CHIC2: variants seen among roughly 807,000 people sequenced by gnomAD.
CHIC2 encodes cysteine-rich hydrophobic domain-containing protein 2.
In CHIC2, 14 loss-of-function variants were observed where a neutral mutation model predicts 25.9. That is an observed-to-expected ratio of 0.54 (90% CI 0.36 to 0.85). The LOEUF (loss-of-function observed/expected upper bound fraction) is 0.85, where lower values mean the gene tolerates loss of function less well. Ranked by LOEUF, CHIC2 falls within the 40% of genes least tolerant of loss-of-function variation. CHIC2 has a pLI of 0.01. For synonymous variants in CHIC2, 70 were observed against 72.0 expected (o/e 0.97, Z 0.14); for missense variants, 146 against 202.0 (o/e 0.72, Z 1.68).
chr4:54,059,744 T>C (rs185925676), intron 1 of CHIC2: 31 of 152,286 alleles, frequency 2.0e-4, no homozygotes, highest in African/African-American at 7.5e-4. Context: ...AGTGATTCAT[T>C]TGGCAATTCT....
chr4:54,081,603 A>T, the CHIC2 span, among the ~76,000 whole-genome samples: 2 of 152,190 alleles, frequency 1.3e-5, no homozygotes, highest in Non-Finnish European at 2.9e-5. Context: ...TGCCCAAATG[A>T]GTATAAATTT....
intron 3 of CHIC2, among the ~76,000 whole-genome samples, chr4:54,043,125 T>C (rs1716638347): frequency 6.6e-6 from 1 of 151,952 alleles, no homozygotes; most frequent in South Asian, 2.1e-4. Context: ...ACCCTGGGCA[T>C]AGAAACCCTG....
At chr4:54,068,203 A>G (rs568600838), upstream of CHIC2, among the ~76,000 whole-genome samples, 1 of 152,330 alleles carries the variant, frequency 6.6e-6, no homozygotes, top group Non-Finnish European at 1.5e-5. Context: ...CACCCAGGCT[A>G]CGATGTACTG....
intron 3 of CHIC2, among the ~76,000 whole-genome samples, chr4:54,045,230 A>G (rs1467358363): frequency 6.6e-6 from 1 of 152,186 alleles, no homozygotes; most frequent in African/African-American, 2.4e-5. Context: ...ACAAGGAGGA[A>G]CTGGTACCAT....
the CHIC2 span, among the ~76,000 whole-genome samples, chr4:54,069,978 T>C: frequency 6.6e-6 from 1 of 152,184 alleles, no homozygotes; most frequent in Non-Finnish European, 1.5e-5. Flanking sequence ...ACTATTAGAA[T>C]TGTGATCAGT....
At chr4:54,084,417 A>G in the CHIC2 span, among the ~76,000 whole-genome samples, 1 of 152,168 alleles carries the variant, frequency 6.6e-6, no homozygotes, top group Admixed American at 6.5e-5. Flanking sequence ...TCTTTGGCCA[A>G]TTTAAATGGA....
intron 3 of CHIC2, among the ~76,000 whole-genome samples, chr4:54,044,323 T>G (rs915803229): frequency 1.3e-5 from 2 of 152,146 alleles, no homozygotes; most frequent in Non-Finnish European, 2.9e-5. Context: ...TACAGAACTC[T>G]CCACCCCAAA....
At chr4:54,035,765 T>G (rs1463390989) in intron 3 of CHIC2, among the ~76,000 whole-genome samples, 1 of 152,048 alleles carries the variant, frequency 6.6e-6, no homozygotes, top group East Asian at 1.9e-4. Flanking sequence ...TAATTTGCTC[T>G]TGTTTTTCTA....
At chr4:54,081,470 T>G in the CHIC2 span, among the ~76,000 whole-genome samples, 1 of 152,078 alleles carries the variant, frequency 6.6e-6, no homozygotes, top group Non-Finnish European at 1.5e-5. Context: ...CTAAGATACT[T>G]CAATTTGATG....
the CHIC2 span, among the ~76,000 whole-genome samples, chr4:54,071,868 C>A: frequency 6.6e-6 from 1 of 152,052 alleles, no homozygotes; most frequent in African/African-American, 2.4e-5. Context: ...CAGATCATTT[C>A]ATACCATGTG....
At chr4:54,080,164 A>ATATATATATGTGTATATATATGTG in the CHIC2 span, among the ~76,000 whole-genome samples, 16 of 148,214 alleles carry the variant, frequency 1.1e-4, no homozygotes, top group African/African-American at 4.0e-4. Context: ...ATGTATGTGT[A>ATATATATATGTGTATATATATGTG]TATATATATG....
intron 3 of CHIC2, among the ~76,000 whole-genome samples, chr4:54,017,854 T>A (rs1200881787): frequency 6.6e-6 from 1 of 152,066 alleles, no homozygotes; most frequent in Non-Finnish European, 1.5e-5. Context: ...AAACACACAT[T>A]TCTTCATTTC....
intron 3 of CHIC2, among the ~76,000 whole-genome samples, chr4:54,020,873 T>C (rs1029488304): frequency 6.6e-6 from 1 of 152,176 alleles, no homozygotes; most frequent in African/African-American, 2.4e-5. Flanking sequence ...CACAATTCAC[T>C]GGTGTCTGAT....
intron 1 of CHIC2, among the ~76,000 whole-genome samples, chr4:54,056,885 T>A (rs184457963): frequency 6.6e-6 from 1 of 152,118 alleles, no homozygotes; most frequent in Non-Finnish European, 1.5e-5. Context: ...CTAAAGGATA[T>A]CACATTTACG....
chr4:54,063,937 T>G (rs1717413545), intron 1 of CHIC2, among the ~76,000 whole-genome samples: 1 of 152,206 alleles, frequency 6.6e-6, no homozygotes, highest in Non-Finnish European at 1.5e-5. Context: ...CCGTGCCTAC[T>G]GGGATCGTCA....
intron 3 of CHIC2, among the ~76,000 whole-genome samples, chr4:54,015,325 A>G (rs995433390): frequency 4.6e-5 from 7 of 152,078 alleles, no homozygotes; most frequent in Non-Finnish European, 7.4e-5. Context: ...CTTTTTCTGA[A>G]GAGTCTTTTT....
At chr4:54,080,610 C>CA in the CHIC2 span, among the ~76,000 whole-genome samples, 1 of 151,506 alleles carries the variant, frequency 6.6e-6, no homozygotes, top group Admixed American at 6.6e-5. Context: ...TACTAAAATA[C>CA]AAAAAATTAG....
At chr4:54,032,495 T>C (rs1716263742) in intron 3 of CHIC2, among the ~76,000 whole-genome samples, 1 of 152,176 alleles carries the variant, frequency 6.6e-6, no homozygotes, top group South Asian at 2.1e-4. Flanking sequence ...CTCCAGCTCC[T>C]AACCGCGAGT....
intron 3 of CHIC2, among the ~76,000 whole-genome samples, chr4:54,032,797 G>A (rs564100776): frequency 2.0e-5 from 3 of 152,200 alleles, no homozygotes; most frequent in Non-Finnish European, 4.4e-5. Context: ...CTGTAGGATA[G>A]ATTCTGCTCT....
Sources: gnomAD v4.1 joint callset for allele counts (sites outside exome capture counted in the v4.1 genomes callset) on GRCh38, gnomAD v4.1.1 for gene constraint, MANE v1.5 for transcripts, NCBI Gene and HGNC (gene_info 2026-07-23, HGNC 2026-07-21) for gene names.